The following SP4 variants were observed in gnomAD, a reference collection of about 807,000 sequenced individuals.
The protein encoded by SP4 is Sp4 transcription factor, also known as transcription factor Sp4.
SP4 carries 19 observed loss-of-function variants against 72.8 expected under a neutral mutation model. That is an observed-to-expected ratio of 0.26 (90% CI 0.18 to 0.38). SP4 has a LOEUF of 0.38. Ranked by LOEUF, SP4 falls within the 10% of genes least tolerant of loss-of-function variation. The pLI is 1.00. For missense variants in SP4, 1,008 were observed against 926.3 expected, an observed-to-expected ratio of 1.09 and a Z score of -1.14; for synonymous variants, 395 against 333.1, an observed-to-expected ratio of 1.19 and a Z score of -2.02.
rs150323055 is a variant in SP4, at chr7:21,453,215, T to C, written c.1678+22372T>C. On this transcript the variant is annotated intron_variant, in intron 3 of 5. Coordinates refer to ENST00000222584, the MANE Select transcript of SP4 (RefSeq NM_003112.5). ...TAGTTCAGTCCATGCAGTTAACTCC[T>C]GTTCTGCTTTATATTCATGAACATT... Among the ~76,000 whole-genome samples the C allele has an allele frequency of 5.2e-3, 796 of 152,388 alleles. 5 individuals are homozygous for C. The highest frequency in any genetic ancestry group is 6.4e-3 in the Non-Finnish European group (435 of 68,038).
intron 3 of SP4, among the ~76,000 whole-genome samples, chr7:21,475,572 T>A (rs1309448209): frequency 6.6e-6 from 1 of 152,034 alleles, no homozygotes; most frequent in Non-Finnish European, 1.5e-5. Flanking sequence ...TTCTCCTTCC[T>A]AAGCCTCCTG....
At chr7:21,445,281 G>A (rs1054017833) in intron 3 of SP4, among the ~76,000 whole-genome samples, 12 of 152,056 alleles carry the variant, frequency 7.9e-5, no homozygotes, top group African/African-American at 2.9e-4. Context: ...TAAATTTCAT[G>A]ACTTGCTTCT....
chr7:21,507,388 T>C (rs1782026136), intron 5 of SP4, among the ~76,000 whole-genome samples: 1 of 152,226 alleles, frequency 6.6e-6, no homozygotes, highest in African/African-American at 2.4e-5. Flanking sequence ...TTGGTTTGGC[T>C]CCGCCATGGT....
intron 5 of SP4, among the ~76,000 whole-genome samples, chr7:21,497,034 T>A (rs1318520029): frequency 6.6e-6 from 1 of 152,254 alleles, no homozygotes; most frequent in African/African-American, 2.4e-5. Flanking sequence ...TAGCTTTTCC[T>A]TTAAAGCCTT....
At chr7:21,464,084 ATTC>A (rs751640536) in intron 3 of SP4, among the ~76,000 whole-genome samples, 15 of 146,364 alleles carry the variant, frequency 1.0e-4, no homozygotes, top group African/African-American at 1.5e-4. Context: ...ATTATTATTT[ATTC>A]TTATATCTGA....
chr7:21,482,865 T>C (rs936119017), intron 5 of SP4: 4 of 444,712 alleles, frequency 9.0e-6, no homozygotes, highest in African/African-American at 8.6e-5. Context: ...AACTGCTATA[T>C]AATATTTTAT....
rs1327385225 is a variant in SP4, at chr7:21,514,550, A to ATG, written c.*3281_*3282insTG. ...TTTTTGTAAAAAAAAAAAAATGAAA[A>ATG]AAAAAGATGAATCCAGAAAAAAACC... On this transcript the variant is annotated 3_prime_UTR_variant, in exon 6 of 6. Transcript: ENST00000222584. The ATG allele has an allele frequency of 2.6e-5, 4 of 151,762 alleles. No individual in the cohort carries two copies. The highest frequency in any genetic ancestry group is 4.4e-5 in the Non-Finnish European group (3 of 67,836). The allele number at this position is 151,762 out of a possible 1,614,324, so 9.4% of individuals were successfully genotyped here.
chr7:21,498,399 C>G (rs1224201279), intron 5 of SP4, among the ~76,000 whole-genome samples: 1 of 152,098 alleles, frequency 6.6e-6, no homozygotes, highest in Non-Finnish European at 1.5e-5. Flanking sequence ...CCAAGGGCAA[C>G]TATCTACTTT....
At position 21,511,258 on chromosome 7, in the gene SP4, G is replaced by A; in HGVS notation, c.2344G>A (p.Glu782Lys). 1 of 1,613,850 alleles carries A rather than the reference G, an allele frequency of 6.2e-7. No individual in the cohort carries two copies. The highest frequency in any genetic ancestry group is 8.5e-7 in the Non-Finnish European group (1 of 1,179,850). ...AACTCCCAATGTTTCAACCAACATG[G>A]AAGAATTCTGAAAAGTTATTTATAA... ...PATPNVSTNM[E>K]EF The change falls in exon 6 of 6, where the codon GAA (glutamate) becomes AAA (lysine). Residue 782 changes from glutamate (E) to lysine (K), a missense_variant. Glu to Lys is a moderately conservative substitution (Grantham distance 56, BLOSUM62 1). This residue lies in a region of SP4 where 67 missense variants were observed against 66.1 expected (regional missense o/e 1.01). Coordinates refer to ENST00000222584, the MANE Select transcript of SP4 (RefSeq NM_003112.5).
At chr7:21,441,605 T>G (rs1304011701) in intron 3 of SP4, among the ~76,000 whole-genome samples, 1 of 152,218 alleles carries the variant, frequency 6.6e-6, no homozygotes, top group Non-Finnish European at 1.5e-5. Flanking sequence ...AGAGTGTTTC[T>G]TTGTAGATAA....
intron 3 of SP4, 137 bp downstream of exon 3, chr7:21,430,980 A>G (rs1562581591): frequency 4.8e-6 from 3 of 629,334 alleles, no homozygotes; most frequent in Non-Finnish European, 8.3e-6. Context: ...TAGCAATATT[A>G]TACTAACAAA....
At chr7:21,462,838 T>C (rs1041520193) in intron 3 of SP4, among the ~76,000 whole-genome samples, 5 of 152,210 alleles carry the variant, frequency 3.3e-5, no homozygotes, top group Non-Finnish European at 7.3e-5. Flanking sequence ...TCAGATGGTA[T>C]TGAATGTTGA....
rs1782760240 is a variant in SP4 at position 21,429,552 on chromosome 7, C to G, written c.387C>G (p.Ser129Arg). Residue 129 changes from serine (S) to arginine (R), a missense_variant, in exon 3 of 6, where the codon AGC becomes AGG. Around this residue, in one of 3 missense-constraint regions of SP4, gnomAD observed 893 missense variants for 743.3 expected, o/e 1.20. Transcript: ENST00000222584. ...QPASSSSSSSSSNNGSASPTK... is the reference protein window; with the variant it reads ...QPASSSSSSSRSNNGSASPTK... ...CCTCTAGTTCGTCTAGTTCTTCCAG[C>G]AGTAATAACGGGAGTGCATCTCCTA... is the stretch of plus-strand genomic sequence containing the variant. 1 of 1,614,106 alleles carries G rather than the reference C, an allele frequency of 6.2e-7. No individual in the cohort carries two copies. Among genetic ancestry groups the G allele is most frequent in the Non-Finnish European group, 8.5e-7 (1 of 1,179,944 alleles).
intron 3 of SP4, among the ~76,000 whole-genome samples, chr7:21,461,047 G>C (rs1450920273): frequency 6.6e-6 from 1 of 152,170 alleles, no homozygotes; most frequent in Non-Finnish European, 1.5e-5. Context: ...GCTAGATACA[G>C]AGTGCTGATT....
intron 5 of SP4, among the ~76,000 whole-genome samples, chr7:21,487,616 T>C (rs1784855145): frequency 6.6e-6 from 1 of 152,158 alleles, no homozygotes; most frequent in Non-Finnish European, 1.5e-5. Context: ...AGGTGCTTGC[T>C]GAAATTATCT....
intron 5 of SP4, among the ~76,000 whole-genome samples, chr7:21,509,716 A>T (rs1201758192): frequency 6.6e-6 from 1 of 152,226 alleles, no homozygotes; most frequent in Admixed American, 6.5e-5. Flanking sequence ...AGAAAAAGAG[A>T]GAATATCTGA....
At chr7:21,438,769 A>G (rs895216921) in intron 3 of SP4, among the ~76,000 whole-genome samples, 1 of 152,210 alleles carries the variant, frequency 6.6e-6, no homozygotes, top group Non-Finnish European at 1.5e-5. Context: ...CAGTCTGTCC[A>G]GGGTGAATGG....
intron 5 of SP4, among the ~76,000 whole-genome samples, chr7:21,482,444 A>G (rs903208432): frequency 1.3e-5 from 2 of 151,904 alleles, no homozygotes; most frequent in Non-Finnish European, 2.9e-5. Context: ...GAGTTGAATT[A>G]TCATCTTAAT....
At chr7:21,462,743 G>C (rs894851707) in intron 3 of SP4, among the ~76,000 whole-genome samples, 1 of 152,146 alleles carries the variant, frequency 6.6e-6, no homozygotes, top group East Asian at 1.9e-4. Context: ...GTCTTTGGGG[G>C]CCAAAAGCAG....
Sources: allele counts gnomAD v4.1 joint callset (sites outside exome capture counted in the v4.1 genomes callset), GRCh38; gene constraint gnomAD v4.1.1; regional missense constraint gnomAD v4.1.1; transcripts MANE v1.5; gene names NCBI Gene and HGNC (gene_info 2026-07-23, HGNC 2026-07-21).